SGO2: variants seen among roughly 807,000 people sequenced by gnomAD.
SGO2 encodes the protein shugoshin-like 2.
Under a neutral mutation model 99.5 loss-of-function variants are expected in SGO2, and 68 were observed. The observed-to-expected ratio is 0.68, with a 90% CI of 0.56 to 0.84. The LOEUF (loss-of-function observed/expected upper bound fraction) is 0.84, where lower values mean the gene tolerates loss of function less well. Among genes scored for constraint, SGO2 ranks in the 40% least tolerant of loss-of-function variants. The pLI is 0.00. For missense variants in SGO2, 1,350 were observed against 1,436.7 expected, an observed-to-expected ratio of 0.94 and a Z score of 0.97; for synonymous variants, 457 against 487.1, an observed-to-expected ratio of 0.94 and a Z score of 0.81.
chr2:200,555,023 T>C (rs1414141460), intron 5 of SGO2, among the ~76,000 whole-genome samples: 2 of 152,164 alleles, frequency 1.3e-5, no homozygotes, highest in African/African-American at 2.4e-5. Flanking sequence ...ACACAACCTT[T>C]TTACAAGATT....
At chr2:200,565,024 G>T (rs1341045133) in intron 5 of SGO2, among the ~76,000 whole-genome samples, 1 of 152,164 alleles carries the variant, frequency 6.6e-6, no homozygotes, top group African/African-American at 2.4e-5. Flanking sequence ...CAATTTGCCA[G>T]TCTGTGTCTT....
intron 5 of SGO2, among the ~76,000 whole-genome samples, chr2:200,561,208 C>G (rs909738602): frequency 1.3e-5 from 2 of 152,126 alleles, no homozygotes; most frequent in Non-Finnish European, 2.9e-5. Context: ...CCCCACCCAA[C>G]GACAGGCCCT....
chr2:200,542,807 T>C (rs1285011378), intron 5 of SGO2, 143 bp downstream of exon 5: 1 of 565,378 alleles, frequency 1.8e-6, no homozygotes, highest in East Asian at 3.3e-5. Context: ...TGTAGTGTCT[T>C]GCTATAGGTT....
At chr2:200,544,422 T>G (rs2032109808) in intron 5 of SGO2, among the ~76,000 whole-genome samples, 1 of 152,118 alleles carries the variant, frequency 6.6e-6, no homozygotes, top group African/African-American at 2.4e-5. Context: ...GTTGGGATTA[T>G]GGGCACCCAC....
rs966198575 is a variant in SGO2 at position 200,575,423 on chromosome 2, G to A, written c.3744G>A (p.Arg1248=). The change falls in exon 8 of 9, where the codon AGG becomes AGA. Residue 1248 remains arginine, a synonymous_variant. Coordinates refer to ENST00000357799, the MANE Select transcript of SGO2 (RefSeq NM_152524.6). ...CAGAACGGACAAGCAGAAGAAGAAG[G>A]TGTACTCCTTTCTATTTTAAAGAGC... ...LSSERTSRRR[R]CTPFYFKEPS... The A allele has an allele frequency of 1.5e-5, 24 of 1,597,972 alleles. No homozygotes were observed. Among genetic ancestry groups the A allele is most frequent in the Non-Finnish European group, 2.0e-5 (23 of 1,169,202 alleles).
At chr2:200,554,335 A>C (rs943961928) in intron 5 of SGO2, among the ~76,000 whole-genome samples, 9 of 152,218 alleles carry the variant, frequency 5.9e-5, no homozygotes, top group Non-Finnish European at 1.3e-4. Context: ...CATGCAGTTA[A>C]ATACTGTCCT....
At position 200,571,167 on chromosome 2, in the gene SGO2, A is replaced by G. The variant is rs551096897; in HGVS notation, c.821A>G (p.Lys274Arg). 17 of 1,613,760 alleles carry G rather than the reference A, an allele frequency of 1.1e-5. No individual in the cohort carries two copies. The South Asian group carries it at 1.5e-4, about 15-fold the overall frequency. ...TCTCCTAGTAATGTGACTGAAAGGA[A>G]GAAGCGTGGGTCATCTTGGGAATCA... ...KPSPSNVTER[K>R]KRGSSWESNN... Residue 274 changes from lysine to arginine, a missense_variant, in exon 7 of 9, where the codon AAG becomes AGG. Transcript: ENST00000357799.
chr2:200,535,179 A>G lies in SGO2; in HGVS notation c.309+8A>G, dbSNP rs769968451. 6.7e-7 allele frequency: 1 copy of G among 1,485,700 alleles called. No homozygotes were observed. Among genetic ancestry groups the G allele is most frequent in the African/African-American group, 1.5e-5 (1 of 68,106 alleles). 92.0% of individuals were successfully genotyped at this position (1,485,700 alleles called of 1,614,324 possible). On this transcript the variant is annotated splice_region_variant and intron_variant, in intron 3 of 8. Coordinates refer to ENST00000357799, the MANE Select transcript of SGO2 (RefSeq NM_152524.6). ...CTAAAGCTAAATAACTTGGTATGTA[A>G]GCTATATTGTTTTTGAATTCTAATT...
At chr2:200,561,787 A>G (rs2032982955) in intron 5 of SGO2, among the ~76,000 whole-genome samples, 3 of 152,074 alleles carry the variant, frequency 2.0e-5, no homozygotes, top group Middle Eastern at 6.8e-3. Context: ...TGTGGTTTTG[A>G]TTTGCATTTC....
In SGO2 at chr2:200,571,207, A is replaced by G; in HGVS notation, c.861A>G (p.Ala287=). The G allele has an allele frequency of 6.2e-7, 1 of 1,613,692 alleles. No homozygotes were observed. The highest frequency in any genetic ancestry group is 8.5e-7 in the Non-Finnish European group (1 of 1,179,684). Residue 287 remains alanine (A), a synonymous_variant, in exon 7 of 9, where the codon GCA becomes GCG. Coordinates refer to ENST00000357799, the MANE Select transcript of SGO2 (RefSeq NM_152524.6). ...CTTGGGAATCAAATAATCTTTCTGCAGACACTCCCTGTGCAACAGTTTTAG... is the reference window on the plus strand; with the variant it reads ...CTTGGGAATCAAATAATCTTTCTGCGGACACTCCCTGTGCAACAGTTTTAG... ...GSSWESNNLS[A]DTPCATVLDK... is the part of the protein sequence containing the mutation.
At chr2:200,543,697 A>C (rs1021128879) in intron 5 of SGO2, 2 of 152,242 alleles carry the variant, frequency 1.3e-5, no homozygotes, top group African/African-American at 4.8e-5. Flanking sequence ...ATTTCATACC[A>C]GTACATTTTA....
At chr2:200,532,646 C>A (rs2031465279) in intron 1 of SGO2, among the ~76,000 whole-genome samples, 3 of 152,086 alleles carry the variant, frequency 2.0e-5, no homozygotes, top group Admixed American at 2.0e-4. Flanking sequence ...TAAGGTTATA[C>A]TTCTTACATT....
chr2:200,549,225 TG>T (rs781303467), intron 5 of SGO2, among the ~76,000 whole-genome samples: 3 of 152,038 alleles, frequency 2.0e-5, no homozygotes, highest in Non-Finnish European at 4.4e-5. Flanking sequence ...GAGGCTGCAG[TG>T]AGCAGTGTTC....
At chr2:200,558,152 C>T (rs2577281) in intron 5 of SGO2, among the ~76,000 whole-genome samples, 1 of 152,072 alleles carries the variant, frequency 6.6e-6, no homozygotes, top group Non-Finnish European at 1.5e-5. Flanking sequence ...TGTGAGCCAC[C>T]GTGCCCGGCC....
At position 200,575,403 on chromosome 2, in the gene SGO2, C is replaced by T. The variant is rs144483305; in HGVS notation, c.3724C>T (p.Arg1242Trp). 74 of 1,604,512 alleles carry T rather than the reference C, an allele frequency of 4.6e-5. No individual in the cohort carries two copies. The highest frequency in any genetic ancestry group is 3.1e-4 in the East Asian group (14 of 44,684). ...ENKSEDLSSE[R>W]TSRRRRCTPF... ...TAAGTCAGAAGATCTATCTTCAGAACGGACAAGCAGAAGAAGAAGGTGTAC... is the reference window on the plus strand; with the variant it reads ...TAAGTCAGAAGATCTATCTTCAGAATGGACAAGCAGAAGAAGAAGGTGTAC... Residue 1242 changes from arginine (R) to tryptophan (W), a missense_variant, in exon 8 of 9, where the codon CGG becomes TGG. By Grantham distance (101) the Arg-to-Trp change is moderately radical. Coordinates refer to ENST00000357799, the MANE Select transcript of SGO2 (RefSeq NM_152524.6).
intron 5 of SGO2, among the ~76,000 whole-genome samples, chr2:200,556,826 A>AG (rs2032738442): frequency 6.6e-6 from 1 of 152,108 alleles, no homozygotes; most frequent in Non-Finnish European, 1.5e-5. Context: ...TGGCCGAGAG[A>AG]GAGAGAGAGA....
intron 4 of SGO2, among the ~76,000 whole-genome samples, chr2:200,540,654 G>T: frequency 6.6e-6 from 1 of 152,140 alleles, no homozygotes; most frequent in Non-Finnish European, 1.5e-5. Flanking sequence ...GAGAGGGAGG[G>T]GAACTCCTTC....
intron 5 of SGO2, among the ~76,000 whole-genome samples, chr2:200,555,902 C>G (rs1357711911): frequency 6.6e-6 from 1 of 152,182 alleles, no homozygotes; most frequent in Non-Finnish European, 1.5e-5. Context: ...AAAACAGGGT[C>G]TGTGGTGCCT....
Position 200,533,041 on chromosome 2 carries a change from CA to C in SGO2, c.70del (p.Arg24GlufsTer8). ...TSGIKRHLKDKRISKTTKLNV... is the reference protein window; with the variant it reads ...TSGIKRHLKDXRISKTTKLNV... ...CAGGAATTAAGAGACATTTGAAAGACAAAAGAATTTCAAAGACTACTAAGTT... is the reference window on the plus strand; with the variant it reads ...CAGGAATTAAGAGACATTTGAAAGACAAAGAATTTCAAAGACTACTAAGTT... On this transcript the variant is annotated frameshift_variant, in exon 2 of 9. Coordinates refer to ENST00000357799, the MANE Select transcript of SGO2 (RefSeq NM_152524.6). LOFTEE classifies it high-confidence loss of function. 2 of 1,606,316 alleles carry C rather than the reference CA, an allele frequency of 1.2e-6. No homozygotes were observed. The highest frequency in any genetic ancestry group is 1.1e-5 in the South Asian group (1 of 88,792).
Sources: allele counts gnomAD v4.1 joint callset (sites outside exome capture counted in the v4.1 genomes callset), GRCh38; gene constraint gnomAD v4.1.1; transcripts MANE v1.5; gene names NCBI Gene and HGNC (gene_info 2026-07-23, HGNC 2026-07-21).